OR4N2: variants seen among roughly 807,000 people sequenced by gnomAD.
The protein encoded by OR4N2 is olfactory receptor 4N2.
For synonymous variants in OR4N2, 141 were observed against 140.4 expected (o/e 1.00, Z -0.03); for missense variants, 307 against 377.6 (o/e 0.81, Z 1.55).
intron 1 of OR4N2, among the ~76,000 whole-genome samples, chr14:19,817,383 T>C (rs1401579832): frequency 2.0e-5 from 3 of 152,268 alleles, no homozygotes; most frequent in African/African-American, 4.8e-5. Flanking sequence ...GTTATTTGTC[T>C]ATTCAGGGAT....
intron 1 of OR4N2, among the ~76,000 whole-genome samples, chr14:19,807,359 G>A (rs1879190564): frequency 6.6e-6 from 1 of 152,064 alleles, no homozygotes; most frequent in South Asian, 2.1e-4. Flanking sequence ...TAGAAAAAAA[G>A]CAGAAGACCC....
chr14:19,820,017 C>T (rs1489995354), intron 1 of OR4N2, among the ~76,000 whole-genome samples: 1 of 152,264 alleles, frequency 6.6e-6, no homozygotes, highest in African/African-American at 2.4e-5. Flanking sequence ...TCAGCAAATG[C>T]TGCAGAACAG....
intron 1 of OR4N2, 89 bp from the exon 2 acceptor site, chr14:19,827,351 C>T (rs7145672): frequency 0.4 from 445,593 of 1,116,858 alleles, 51,378 homozygotes; most frequent in African/African-American, 0.51. Context: ...TGAAGTACTG[C>T]ATGTGCCAAA....
At position 19,827,424 on chromosome 14, in the gene OR4N2, T is replaced by C. The variant is rs1281421606; in HGVS notation, c.-9-16T>C. 5.2e-6 allele frequency: 8 copies of C among 1,543,700 alleles called. No individual in the cohort carries two copies. Among genetic ancestry groups the C allele is most frequent in the African/African-American group, 4.1e-5 (3 of 72,390 alleles). On this transcript the variant is annotated splice_polypyrimidine_tract_variant and intron_variant, in intron 1 of 1. Transcript: ENST00000557677. The stretch of plus-strand genomic sequence containing the variant: ...CATAGTAATAACAATTAATTCTGCT[T>C]CTTAATGTACTGCAGGCCAGGGAAA...
chr14:19,825,037 T>C (rs1879656716), intron 1 of OR4N2, among the ~76,000 whole-genome samples: 1 of 152,260 alleles, frequency 6.6e-6, no homozygotes, highest in Non-Finnish European at 1.5e-5. Context: ...GAATAAATGT[T>C]GAGACAAATG....
rs199619317 is a variant in OR4N2 at position 19,828,380 on chromosome 14, C to G, written c.*8C>G. The G allele has an allele frequency of 1.8e-4, 277 of 1,522,178 alleles. No individual in the cohort carries two copies. The highest frequency in any genetic ancestry group is 2.0e-4 in the Non-Finnish European group (230 of 1,137,462). The allele number at this position is 1,522,178 out of a possible 1,614,324, so 94.3% of individuals were successfully genotyped here. A position where few individuals can be genotyped will look rare whatever the true frequency, so the allele number is the denominator to read the frequency against. The stretch of plus-strand genomic sequence containing the variant: ...AATAAGCACATAGCCTGAAAAAGGG[C>G]GCAAAAAAAAAAAGAATAAAAATAG... On this transcript the variant is annotated 3_prime_UTR_variant, in exon 2 of 2. Coordinates refer to ENST00000557677, the MANE Select transcript of OR4N2 (RefSeq NM_001004723.3).
intron 1 of OR4N2, among the ~76,000 whole-genome samples, chr14:19,806,056 T>G (rs370679021): frequency 0.011 from 1,746 of 152,036 alleles, 12 homozygotes; most frequent in African/African-American, 0.033. Flanking sequence ...TAGCTAGCCT[T>G]ACAACAGGTC....
intron 1 of OR4N2, among the ~76,000 whole-genome samples, chr14:19,815,911 C>T (rs1879416000): frequency 6.6e-6 from 1 of 152,210 alleles, no homozygotes; most frequent in South Asian, 2.1e-4. Context: ...CAGTTTTCTA[C>T]ATATGTCTAA....
rs1294171971 is a variant in OR4N2, at chr14:19,815,445, A to G, written c.-10+11601A>G. Among the ~76,000 whole-genome samples, 43 of 152,004 alleles carry G rather than the reference A, an allele frequency of 2.8e-4. No homozygotes were observed. In the East Asian group the frequency reaches 8.4e-3, roughly 30 times the overall value. ...CAGTGATGATGAGCTTTTTTTTCAT[A>G]TGTTTGTTGGCTGCATAAATGTCTT... On this transcript the variant is annotated intron_variant, in intron 1 of 1. Coordinates refer to ENST00000557677, the MANE Select transcript of OR4N2 (RefSeq NM_001004723.3).
At position 19,828,909 on chromosome 14, in the gene OR4N2, A is replaced by G. The variant is rs1458069221; in HGVS notation, c.*537A>G. On this transcript the variant is annotated 3_prime_UTR_variant, in exon 2 of 2. Transcript: ENST00000557677. ...TATGAAAATGATTAAAGTTGGAGAT[A>G]CTGGTAGTGTCAAAAACATACGGTC... is the stretch of plus-strand genomic sequence containing the variant. 1 of 157,082 alleles carries G rather than the reference A, an allele frequency of 6.4e-6. No homozygotes were observed. Among genetic ancestry groups the G allele is most frequent in the Non-Finnish European group, 1.4e-5 (1 of 70,958 alleles). The allele number at this position is 157,082 out of a possible 1,614,324, so 9.7% of individuals were successfully genotyped here.
intron 1 of OR4N2, among the ~76,000 whole-genome samples, chr14:19,805,890 T>C (rs758319168): frequency 6.6e-6 from 1 of 152,186 alleles, no homozygotes; most frequent in Non-Finnish European, 1.5e-5. Flanking sequence ...GCAGAACCTT[T>C]ATAAGCCAGA....
intron 1 of OR4N2, among the ~76,000 whole-genome samples, chr14:19,820,417 C>T (rs1300145554): frequency 6.6e-6 from 1 of 152,238 alleles, no homozygotes; most frequent in Non-Finnish European, 1.5e-5. Flanking sequence ...AAGCTGTTGG[C>T]ATTTAGTGCT....
Position 19,829,492 on chromosome 14 carries a change from A to G in OR4N2, c.*1120A>G, listed in dbSNP as rs182158646. ...CTGGACGTCCAGAGATGCCTTACAG[A>G]CTAACACAGGTGACCAATGTTGTCA... On this transcript the variant is annotated 3_prime_UTR_variant, in exon 2 of 2. Coordinates refer to ENST00000557677, the MANE Select transcript of OR4N2 (RefSeq NM_001004723.3). 11 of 152,408 alleles carry G rather than the reference A, an allele frequency of 7.2e-5. No homozygotes were observed. The highest frequency in any genetic ancestry group is 4.1e-4 in the South Asian group (2 of 4,830). The allele number at this position is 152,408 out of a possible 1,614,324, so 9.4% of individuals were successfully genotyped here.
intron 1 of OR4N2, among the ~76,000 whole-genome samples, chr14:19,806,779 A>G (rs1879175176): frequency 1.3e-5 from 2 of 152,214 alleles, no homozygotes; most frequent in Non-Finnish European, 2.9e-5. Flanking sequence ...TGCACATGGA[A>G]CATATTGTAA....
intron 1 of OR4N2, among the ~76,000 whole-genome samples, chr14:19,809,269 G>A (rs1007845258): frequency 6.6e-6 from 1 of 152,168 alleles, no homozygotes; most frequent in Admixed American, 6.5e-5. Flanking sequence ...AGAAAACCTA[G>A]GAAATACTCT....
At chr14:19,803,935 T>C (rs1371280487) in intron 1 of OR4N2, 91 bp downstream of exon 1, 5 of 152,198 alleles carry the variant, frequency 3.3e-5, no homozygotes, top group Non-Finnish European at 7.3e-5. Flanking sequence ...TCTTAGGAGG[T>C]TGTATGTTTC....
intron 1 of OR4N2, among the ~76,000 whole-genome samples, chr14:19,823,380 G>A (rs1780871): frequency 0.06 from 9,062 of 150,060 alleles, 50 homozygotes; most frequent in East Asian, 0.15. Context: ...AAGTGACTCA[G>A]CGTTGGCCAA....
intron 1 of OR4N2, among the ~76,000 whole-genome samples, chr14:19,815,655 G>GTTTTTTTTTTTTTTTTTTT (rs59019427): frequency 3.6e-5 from 5 of 138,518 alleles, no homozygotes; most frequent in South Asian, 4.5e-4. Context: ...GTTTTTTTTT[G>GTTTTTTTTTTTTTTTTTTT]TTTTTTTTTT....
chr14:19,805,335 T>A (rs1879136829), intron 1 of OR4N2, among the ~76,000 whole-genome samples: 1 of 152,118 alleles, frequency 6.6e-6, no homozygotes, highest in Non-Finnish European at 1.5e-5. Flanking sequence ...TGAAATCCAA[T>A]CCATGGAATC....
Sources: allele counts gnomAD v4.1 joint callset (sites outside exome capture counted in the v4.1 genomes callset), GRCh38; gene constraint gnomAD v4.1.1; transcripts MANE v1.5; gene names NCBI Gene and HGNC (gene_info 2026-07-23, HGNC 2026-07-21).